PPP1R9A: variants seen among roughly 807,000 people sequenced by gnomAD.
PPP1R9A encodes protein phosphatase 1 regulatory subunit 9A.
PPP1R9A carries 59 observed loss-of-function variants against 141.9 expected under a neutral mutation model. The ratio of observed to expected loss-of-function variants is 0.42; its 90% confidence interval spans 0.34 to 0.52. The LOEUF (loss-of-function observed/expected upper bound fraction) is 0.52, where lower values mean the gene tolerates loss of function less well. Ranked by LOEUF, PPP1R9A falls within the 20% of genes least tolerant of loss-of-function variation. PPP1R9A has a pLI of 0.10. For synonymous variants in PPP1R9A, 500 were observed against 569.7 expected, an observed-to-expected ratio of 0.88 and a Z score of 1.74; for missense variants, 1,444 against 1,611.9, an observed-to-expected ratio of 0.90 and a Z score of 1.78.
At chr7:95,153,219 A>C (rs926134564) in intron 4 of PPP1R9A, among the ~76,000 whole-genome samples, 1 of 152,196 alleles carries the variant, frequency 6.6e-6, no homozygotes, top group Non-Finnish European at 1.5e-5. Flanking sequence ...ATATAAAATC[A>C]TGGTAACATC....
At chr7:94,933,042 A>ATG (rs1380916815) in intron 2 of PPP1R9A, among the ~76,000 whole-genome samples, 1 of 151,952 alleles carries the variant, frequency 6.6e-6, no homozygotes, top group Non-Finnish European at 1.5e-5. Flanking sequence ...CTGCATATAT[A>ATG]TATACACATA....
intron 5 of PPP1R9A, among the ~76,000 whole-genome samples, chr7:95,184,206 G>A (rs1585130707): frequency 6.6e-6 from 1 of 152,060 alleles, no homozygotes; most frequent in Non-Finnish European, 1.5e-5. Flanking sequence ...TCAGAGAAAA[G>A]CCATTTAATA....
At chr7:95,120,670 A>G in intron 3 of PPP1R9A, 42 bp from the exon 4 acceptor site, 5 of 1,602,868 alleles carry the variant, frequency 3.1e-6, no homozygotes, top group Non-Finnish European at 4.3e-6. Flanking sequence ...CTAGTGTAAA[A>G]CTTAAGTTGT....
intron 2 of PPP1R9A, among the ~76,000 whole-genome samples, chr7:95,073,105 C>G (rs935960339): frequency 1.1e-4 from 17 of 149,644 alleles, no homozygotes; most frequent in African/African-American, 4.2e-4. Context: ...ACTGCCTTAT[C>G]CTCCTGAGTT....
chr7:95,006,940 G>A (rs1242063516), intron 2 of PPP1R9A, among the ~76,000 whole-genome samples: 5 of 151,176 alleles, frequency 3.3e-5, no homozygotes, highest in African/African-American at 4.9e-5. Context: ...TTGGCTCATC[G>A]CAACCTCCAC....
rs1012852772 is a variant in PPP1R9A at position 95,216,673 on chromosome 7, G to T, written c.1957-9288G>T. 4.6e-5 allele frequency among the ~76,000 whole-genome samples: 7 copies of T among 152,242 alleles called. No homozygotes were observed. The South Asian group carries it at 1.2e-3, about 27-fold the overall frequency. ...GTGGTTTGTAGTTCTCCTTGGGGAG[G>T]TCCTTCACATCCCTTGTAAGTTGGG... On this transcript the variant is annotated intron_variant, in intron 7 of 19. Transcript: ENST00000433360.
chr7:95,096,427 A>G (rs1818027396), intron 2 of PPP1R9A, among the ~76,000 whole-genome samples: 1 of 152,086 alleles, frequency 6.6e-6, no homozygotes, highest in Non-Finnish European at 1.5e-5. Context: ...CTGTTGCACA[A>G]ATGACTGGCC....
intron 2 of PPP1R9A, among the ~76,000 whole-genome samples, chr7:95,072,112 A>G (rs1227838849): frequency 2.6e-5 from 4 of 151,094 alleles, no homozygotes. Context: ...AAATATGTAT[A>G]TTCATGTTAA....
chr7:94,955,432 C>CT (rs748214250), intron 2 of PPP1R9A, among the ~76,000 whole-genome samples: 7 of 151,592 alleles, frequency 4.6e-5, no homozygotes, highest in Non-Finnish European at 8.9e-5. Flanking sequence ...GATTCAGAAT[C>CT]TTTTTTTTTC....
chr7:95,090,621 A>C, intron 2 of PPP1R9A, among the ~76,000 whole-genome samples: 1 of 151,926 alleles, frequency 6.6e-6, no homozygotes, highest in East Asian at 1.9e-4. Flanking sequence ...CAGCCTGGTC[A>C]ACATAGTGAA....
chr7:95,211,336 C>T (rs964484212), intron 7 of PPP1R9A, among the ~76,000 whole-genome samples: 1 of 152,130 alleles, frequency 6.6e-6, no homozygotes, highest in African/African-American at 2.4e-5. Context: ...GCCAACCTGG[C>T]TACAAGTGGT....
chr7:95,031,389 A>G (rs1238397488), intron 2 of PPP1R9A, among the ~76,000 whole-genome samples: 1 of 152,206 alleles, frequency 6.6e-6, no homozygotes, highest in Non-Finnish European at 1.5e-5. Context: ...GAATCCTTTC[A>G]TAAAGTGATA....
intron 5 of PPP1R9A, among the ~76,000 whole-genome samples, chr7:95,197,838 G>A (rs370163803): frequency 6.6e-6 from 1 of 151,962 alleles, no homozygotes; most frequent in African/African-American, 2.4e-5. Flanking sequence ...TAGTAGAGAC[G>A]GGATTTTGCC....
At chr7:95,112,627 C>T (rs10265209) in intron 3 of PPP1R9A, among the ~76,000 whole-genome samples, 73,995 of 151,786 alleles carry the variant, frequency 0.49, 18,414 homozygotes, top group African/African-American at 0.58. Flanking sequence ...AGAATACTAT[C>T]CAATGGAAAT....
At chr7:95,174,739 G>C (rs1408949584) in intron 5 of PPP1R9A, among the ~76,000 whole-genome samples, 1 of 152,008 alleles carries the variant, frequency 6.6e-6, no homozygotes, top group Non-Finnish European at 1.5e-5. Flanking sequence ...CTTTTTACCA[G>C]AAAATATTTT....
At chr7:95,040,545 A>G (rs1008496873) in intron 2 of PPP1R9A, among the ~76,000 whole-genome samples, 2 of 152,136 alleles carry the variant, frequency 1.3e-5, no homozygotes, top group Non-Finnish European at 2.9e-5. Context: ...CCTGTTGCCC[A>G]CAGGAGTTGA....
Position 94,966,833 on chromosome 7 carries a change from A to G in PPP1R9A, c.1395+55325A>G, listed in dbSNP as rs375230841. ...ATCAGGATGATGCTGGCCTCATAAA[A>G]TGAGTTTGGGAGGAGTCCCTCTTTT... On this transcript the variant is annotated intron_variant, in intron 2 of 19. Transcript: ENST00000433360. 9.2e-5 allele frequency among the ~76,000 whole-genome samples: 14 copies of G among 152,304 alleles called. No homozygotes were observed. In the South Asian group the frequency reaches 1.9e-3, roughly 20 times the overall value.
At chr7:94,991,932 G>A (rs756339940) in intron 2 of PPP1R9A, among the ~76,000 whole-genome samples, 28 of 152,212 alleles carry the variant, frequency 1.8e-4, no homozygotes, top group Non-Finnish European at 4.0e-4. Flanking sequence ...GATTACAGGC[G>A]TGGGCCAGTG....
At chr7:94,971,194 C>T (rs1798822347) in intron 2 of PPP1R9A, among the ~76,000 whole-genome samples, 2 of 152,120 alleles carry the variant, frequency 1.3e-5, no homozygotes, top group Admixed American at 1.3e-4. Flanking sequence ...AGTGGTGGAC[C>T]ACTGAGGAGC....
Sources: allele counts gnomAD v4.1 joint callset (sites outside exome capture counted in the v4.1 genomes callset), GRCh38; gene constraint gnomAD v4.1.1; transcripts MANE v1.5; gene names NCBI Gene and HGNC (gene_info 2026-07-23, HGNC 2026-07-21).